Variants in DENND1A observed in about 807,000 individuals in gnomAD.
DENND1A encodes the protein DENN domain-containing protein 1A.
DENND1A carries 51 observed loss-of-function variants against 113.7 expected under a neutral mutation model. That is an observed-to-expected ratio of 0.45 (90% CI 0.36 to 0.57). The LOEUF is 0.57. Among genes scored for constraint, DENND1A ranks in the 20% least tolerant of loss-of-function variants. The pLI is 0.00. For synonymous variants in DENND1A, 565 were observed against 570.8 expected (o/e 0.99, Z 0.14); for missense variants, 1,258 against 1,395.9 (o/e 0.90, Z 1.57).
intron 19 of DENND1A, among the ~76,000 whole-genome samples, chr9:123,412,389 T>G (rs2044376070): frequency 6.6e-6 from 1 of 152,226 alleles, no homozygotes; most frequent in South Asian, 2.1e-4. Context: ...TCAAGAGCTC[T>G]GTCGGCTCGG....
At chr9:123,825,743 A>C (rs1451053089) in intron 2 of DENND1A, among the ~76,000 whole-genome samples, 2 of 152,266 alleles carry the variant, frequency 1.3e-5, no homozygotes, top group African/African-American at 4.8e-5. Flanking sequence ...TCATCCAGAA[A>C]GGAAGATGTG....
chr9:123,838,188 T>C (rs1841318290), intron 2 of DENND1A, among the ~76,000 whole-genome samples: 1 of 152,144 alleles, frequency 6.6e-6, no homozygotes. Context: ...ATCCACTACT[T>C]ACTAGCTGTA....
intron 19 of DENND1A, among the ~76,000 whole-genome samples, chr9:123,429,965 T>C (rs1366472351): frequency 1.3e-5 from 2 of 151,834 alleles, no homozygotes; most frequent in Admixed American, 1.3e-4. Context: ...AGGCCTAATA[T>C]CCAGAGTCTA....
chr9:123,393,061 T>C (rs1341968329), intron 21 of DENND1A, among the ~76,000 whole-genome samples: 5 of 152,260 alleles, frequency 3.3e-5, no homozygotes, highest in Admixed American at 6.5e-5. Flanking sequence ...CACTTGCTGA[T>C]TGATGGGCCT....
intron 10 of DENND1A, among the ~76,000 whole-genome samples, chr9:123,610,636 G>C (rs1437287837): frequency 6.6e-6 from 1 of 152,222 alleles, no homozygotes; most frequent in Non-Finnish European, 1.5e-5. Context: ...TATAGTCTAT[G>C]AAATGTGCAG....
At chr9:123,647,756 T>C (rs2062416222) in intron 9 of DENND1A, among the ~76,000 whole-genome samples, 1 of 152,184 alleles carries the variant, frequency 6.6e-6, no homozygotes, top group Admixed American at 6.5e-5. Context: ...ATTGATCCGA[T>C]CGATATTCTA....
intron 4 of DENND1A, among the ~76,000 whole-genome samples, chr9:123,763,074 C>A (rs2071173314): frequency 6.7e-6 from 1 of 149,416 alleles, no homozygotes; most frequent in Non-Finnish European, 1.5e-5. Flanking sequence ...GTAAAGAATT[C>A]AGATTTTTTT....
chr9:123,872,221 C>CT (rs1320994344), intron 2 of DENND1A, among the ~76,000 whole-genome samples: 14 of 152,140 alleles, frequency 9.2e-5, no homozygotes, highest in African/African-American at 3.4e-4. Context: ...CAAAGATCTC[C>CT]TCAAAATGAT....
chr9:123,785,280 T>A (rs968722271), intron 3 of DENND1A, among the ~76,000 whole-genome samples: 2 of 152,016 alleles, frequency 1.3e-5, no homozygotes, highest in African/African-American at 4.8e-5. Context: ...CCAGTCCAGA[T>A]GTTTGAGGAT....
At chr9:123,497,543 G>A (rs1382182556) in intron 13 of DENND1A, among the ~76,000 whole-genome samples, 3 of 151,962 alleles carry the variant, frequency 2.0e-5, no homozygotes, top group Non-Finnish European at 4.4e-5. Flanking sequence ...CGCTGGTATC[G>A]AACTCCTGGT....
chr9:123,393,118 A>G (rs115267141), intron 21 of DENND1A, among the ~76,000 whole-genome samples: 155 of 152,324 alleles, frequency 1.0e-3, no homozygotes, highest in African/African-American at 3.6e-3. Flanking sequence ...TATCTGTAAA[A>G]TGGAGATTCT....
intron 3 of DENND1A, among the ~76,000 whole-genome samples, chr9:123,775,198 C>T (rs1404257856): frequency 6.6e-6 from 1 of 152,164 alleles, no homozygotes; most frequent in East Asian, 1.9e-4. Flanking sequence ...AAATTCTTCA[C>T]ACATGCTTCA....
chr9:123,553,408 C>CG (rs992226792), intron 13 of DENND1A, among the ~76,000 whole-genome samples: 8 of 151,752 alleles, frequency 5.3e-5, no homozygotes, highest in African/African-American at 9.7e-5. Flanking sequence ...CCGCCCCCCC[C>CG]CCGCTCCTCA....
At chr9:123,901,124 T>C (rs1262257566) in intron 1 of DENND1A, among the ~76,000 whole-genome samples, 2 of 152,226 alleles carry the variant, frequency 1.3e-5, no homozygotes, top group Non-Finnish European at 2.9e-5. Flanking sequence ...TGAAGGATTT[T>C]AAGCAGTCAA....
rs545121127 is a variant in DENND1A, at chr9:123,432,299, G to T, written c.1488+8061C>A. Among the ~76,000 whole-genome samples the T allele has an allele frequency of 3.0e-4, 46 of 152,322 alleles. 1 individual carries two copies. The South Asian group carries it at 9.3e-3, about 31-fold the overall frequency. On this transcript the variant is annotated intron_variant, in intron 19 of 23. Transcript: ENST00000394215. ...AACCTTTCATCAGAAAGCTGTCTCT[G>T]GGCTAGCCTGGGCTCTGAAAAGGTG... is the stretch of plus-strand genomic sequence containing the variant.
At chr9:123,598,878 C>T (rs2059819485) in intron 11 of DENND1A, among the ~76,000 whole-genome samples, 1 of 152,168 alleles carries the variant, frequency 6.6e-6, no homozygotes, top group South Asian at 2.1e-4. Flanking sequence ...CAAGGTTTAG[C>T]AGACATTATA....
Position 123,381,225 on chromosome 9 carries a change from T to C in DENND1A, c.*207A>G. 2 of 608,600 alleles carry C rather than the reference T, an allele frequency of 3.3e-6. No individual in the cohort carries two copies. Among genetic ancestry groups the C allele is most frequent in the East Asian group, 2.8e-5 (1 of 35,434 alleles). The allele number at this position is 608,600 out of a possible 1,614,324, so 37.7% of individuals were successfully genotyped here. ...GTGGGATGGGCACTCAGGAACTGGGTTGATTCCCAGGCTGGAACTGGTGCC... is the reference window on the plus strand; with the variant it reads ...GTGGGATGGGCACTCAGGAACTGGGCTGATTCCCAGGCTGGAACTGGTGCC... On this transcript the variant is annotated 3_prime_UTR_variant, in exon 24 of 24. Transcript: ENST00000394215. This position sits in a 1 kb window ranked among gnomAD's most constrained non-coding sequence, Gnocchi z 4.7.
chr9:123,836,709 A>G, intron 2 of DENND1A, among the ~76,000 whole-genome samples: 1 of 152,250 alleles, frequency 6.6e-6, no homozygotes, highest in South Asian at 2.1e-4. Context: ...ACAAATTTCT[A>G]TACAGAAAAA....
intron 13 of DENND1A, among the ~76,000 whole-genome samples, chr9:123,463,452 A>C (rs2048695765): frequency 6.6e-6 from 1 of 152,168 alleles, no homozygotes; most frequent in East Asian, 1.9e-4. Flanking sequence ...AAAATCTCTC[A>C]TCAGATTTTT....
Sources: allele counts gnomAD v4.1 joint callset (sites outside exome capture counted in the v4.1 genomes callset), GRCh38; gene constraint gnomAD v4.1.1; non-coding constraint Gnocchi (gnomAD v3.1); transcripts MANE v1.5; gene names NCBI Gene and HGNC (gene_info 2026-07-23, HGNC 2026-07-21).